Variants in SARDH observed in about 807,000 individuals in gnomAD.
SARDH encodes the protein sarcosine dehydrogenase.
A neutral mutation model predicts 109.1 loss-of-function variants in SARDH; 95 were observed. The observed-to-expected ratio is 0.87, with a 90% CI of 0.74 to 1.03. SARDH has a LOEUF of 1.03. SARDH is among the 50% of genes least tolerant of loss of function. SARDH has a pLI of 0.00. For synonymous variants in SARDH, 572 were observed against 534.8 expected (o/e 1.07, Z -0.96); for missense variants, 1,267 against 1,287.8 (o/e 0.98, Z 0.25).
intron 8 of SARDH, among the ~76,000 whole-genome samples, chr9:133,715,719 C>T (rs916116467): frequency 1.8e-4 from 27 of 152,154 alleles, no homozygotes; most frequent in South Asian, 6.2e-4. Context: ...CGCTTTGTGC[C>T]GCCCACCTCT....
At chr9:133,715,721 C>G (rs1193770688) in intron 8 of SARDH, among the ~76,000 whole-genome samples, 1 of 152,170 alleles carries the variant, frequency 6.6e-6, no homozygotes, top group Non-Finnish European at 1.5e-5. Flanking sequence ...CTTTGTGCCG[C>G]CCACCTCTAC....
Position 133,686,677 on chromosome 9 carries a change from C to G in SARDH, c.2070-1391G>C, listed in dbSNP as rs563698611. ...CCCCCATTGCTAGGAGACGCCCCCC[C>G]ACTTCTGTCCCTCTGGGATCCCAGC... On this transcript the variant is annotated intron_variant, in intron 16 of 20. Transcript: ENST00000439388. The surrounding 1 kb of genome is among the most constrained non-coding windows in gnomAD (Gnocchi z 4.0). Among the ~76,000 whole-genome samples the G allele has an allele frequency of 9.2e-5, 14 of 152,254 alleles. No individual in the cohort carries two copies. The highest frequency in any genetic ancestry group is 7.7e-4 in the East Asian group (4 of 5,178).
At chr9:133,664,079 C>T (rs129924) in intron 20 of SARDH, 65 bp from the exon 21 acceptor site, 38,424 of 1,573,752 alleles carry the variant, frequency 0.024, 962 homozygotes, top group South Asian at 0.1. Context: ...CGTCTGCCTG[C>T]TTCTCTGGAG....
intron 6 of SARDH, among the ~76,000 whole-genome samples, chr9:133,727,444 A>C (rs907898909): frequency 1.6e-4 from 25 of 152,228 alleles, no homozygotes; most frequent in Non-Finnish European, 2.9e-5. Context: ...AATGGGCTGC[A>C]CAGGTGCCAT....
At position 133,694,369 on chromosome 9, in the gene SARDH, AG is replaced by A; in HGVS notation, c.1809del (p.Ser604ProfsTer18). 1 of 1,550,054 alleles carries A rather than the reference AG, an allele frequency of 6.5e-7. No individual in the cohort carries two copies. The highest frequency in any genetic ancestry group is 8.7e-7 in the Non-Finnish European group (1 of 1,146,446). ...LFSADVSRPP[G>X]STVYTCMLNH... ...TTGAGCATGCACGTGTACACGGTGG[AG>A]CCTGCGAGAGGGAGAAGGAAGCCGG... On this transcript the variant is annotated frameshift_variant and splice_region_variant, in exon 15 of 21. Transcript: ENST00000439388. LOFTEE classifies it high-confidence loss of function.
intron 8 of SARDH, 72 bp from the exon 9 acceptor site, chr9:133,713,196 G>C (rs1206942848): frequency 2.7e-5 from 37 of 1,374,868 alleles, no homozygotes; most frequent in Non-Finnish European, 3.3e-5. Flanking sequence ...TCTTCCAAGA[G>C]AGCAGTGATC....
chr9:133,706,557 T>C lies in SARDH; in HGVS notation c.1471-1526A>G, dbSNP rs189520642. 2.2e-3 allele frequency among the ~76,000 whole-genome samples: 339 copies of C among 152,342 alleles called. 1 individual carries two copies. The highest frequency in any genetic ancestry group is 7.7e-3 in the African/African-American group (322 of 41,574). ...CGGTTGCACAGCACTGCAAAGGCAC[T>C]TAATGCCACTGAATTGTACACTTTA... is the stretch of plus-strand genomic sequence containing the variant. On this transcript the variant is annotated intron_variant, in intron 11 of 20. Coordinates refer to ENST00000439388, the MANE Select transcript of SARDH (RefSeq NM_001134707.2).
In SARDH at chr9:133,708,336, T is replaced by C. The variant is rs1349842125; in HGVS notation, c.1421A>G (p.His474Arg). Residue 474 changes from histidine to arginine, a missense_variant, in exon 11 of 21, where the codon CAC (histidine) becomes CGC (arginine). Physicochemically the swap from His to Arg is conservative, Grantham distance 29. Coordinates refer to ENST00000439388, the MANE Select transcript of SARDH (RefSeq NM_001134707.2). ...GTTGCGCCCGGCCAGCGGCTCATCG[T>C]GGGGGAAGACGACGGAGTAGTTCTT... ...YAKNYSVVFPHDEPLAGRNMR... is the reference protein window; with the variant it reads ...YAKNYSVVFPRDEPLAGRNMR... The C allele has an allele frequency of 6.2e-7, 1 of 1,613,276 alleles. No homozygotes were observed. Among genetic ancestry groups the C allele is most frequent in the Admixed American group, 1.7e-5 (1 of 59,988 alleles).
In SARDH at chr9:133,718,571, G is replaced by A; in HGVS notation, c.1020+367C>T. On this transcript the variant is annotated intron_variant, in intron 7 of 20. Coordinates refer to ENST00000439388, the MANE Select transcript of SARDH (RefSeq NM_001134707.2). The surrounding 1 kb of genome is among the most constrained non-coding windows in gnomAD (Gnocchi z 4.2). The stretch of plus-strand genomic sequence containing the variant: ...TGCCCTAACCCCAGAAGCTGCCCGG[G>A]AAACAGCCCAGGCCAGGGGAAATGC... 4.1e-6 allele frequency: 3 copies of A among 739,446 alleles called. No individual in the cohort carries two copies. The highest frequency in any genetic ancestry group is 2.5e-6 in the Non-Finnish European group (1 of 400,744). 45.8% of individuals were successfully genotyped at this position (739,446 alleles called of 1,614,324 possible).
At chr9:133,668,362 C>T (rs1359907550) in intron 19 of SARDH, among the ~76,000 whole-genome samples, 1 of 119,718 alleles carries the variant, frequency 8.4e-6, no homozygotes, top group Non-Finnish European at 1.7e-5. Flanking sequence ...CCTCCCTCTC[C>T]CTCACCCTCA....
chr9:133,686,103 A>G lies in SARDH; in HGVS notation c.2070-817T>C, dbSNP rs543439436. Among the ~76,000 whole-genome samples the G allele has an allele frequency of 6.6e-6, 1 of 152,256 alleles. No homozygotes were observed. Among genetic ancestry groups the G allele is most frequent in the East Asian group, 1.9e-4 (1 of 5,182 alleles). The stretch of plus-strand genomic sequence containing the variant: ...TGAGGGCCCGGGAATGTTCCTGAGC[A>G]CTGGACACTCAGTCCATACTGGACA... On this transcript the variant is annotated intron_variant, in intron 16 of 20. Coordinates refer to ENST00000439388, the MANE Select transcript of SARDH (RefSeq NM_001134707.2). This position sits in a 1 kb window ranked among gnomAD's most constrained non-coding sequence, Gnocchi z 4.0.
intron 6 of SARDH, among the ~76,000 whole-genome samples, chr9:133,721,141 G>C (rs7849946): frequency 6.6e-6 from 1 of 151,982 alleles, no homozygotes; most frequent in Admixed American, 6.5e-5. Context: ...AGAGTCCTCC[G>C]ATTGAAAATC....
At chr9:133,696,809 T>C (rs1831304716) in intron 13 of SARDH, among the ~76,000 whole-genome samples, 1 of 152,126 alleles carries the variant, frequency 6.6e-6, no homozygotes, top group African/African-American at 2.4e-5. Context: ...ACACAACCAC[T>C]TATGAGATGC....
At position 133,731,359 on chromosome 9, in the gene SARDH, G is replaced by A. The variant is rs756935150; in HGVS notation, c.636C>T (p.Asp212=). Residue 212 remains aspartate (D), a synonymous_variant, in exon 4 of 21, where the codon GAC becomes GAT. Coordinates refer to ENST00000439388, the MANE Select transcript of SARDH (RefSeq NM_001134707.2). ...TLYVPHDGTM[D]PAGTCTTLAR... is the part of the protein sequence containing the mutation. Reference sequence around the variant, plus strand: ...CGAGGGTGGTACAGGTGCCAGCGGGGTCCATGGTACCGTCGTGCGGCACAT... The same window carrying A: ...CGAGGGTGGTACAGGTGCCAGCGGGATCCATGGTACCGTCGTGCGGCACAT... 4.3e-6 allele frequency: 7 copies of A among 1,614,214 alleles called. No homozygotes were observed. The highest frequency in any genetic ancestry group is 2.2e-5 in the East Asian group (1 of 44,872).
rs972009231 is a variant in SARDH at position 133,693,024 on chromosome 9, C to T, written c.1921+1234G>A. Among the ~76,000 whole-genome samples, 9 of 152,162 alleles carry T rather than the reference C, an allele frequency of 5.9e-5. No individual in the cohort carries two copies. Among genetic ancestry groups the T allele is most frequent in the South Asian group, 2.1e-4 (1 of 4,826 alleles). On this transcript the variant is annotated intron_variant, in intron 15 of 20. Coordinates refer to ENST00000439388, the MANE Select transcript of SARDH (RefSeq NM_001134707.2). The surrounding 1 kb of genome is among the most constrained non-coding windows in gnomAD (Gnocchi z 5.6). The stretch of plus-strand genomic sequence containing the variant: ...AGGAGCCCCTGCCAGCCCCCAGCCC[C>T]GAAGACCCGCTGGGCAGTGAGGAGC...
At position 133,731,504 on chromosome 9, in the gene SARDH, G is replaced by T; in HGVS notation, c.511-20C>A. Reference sequence around the variant, plus strand: ...GCCCAGCTAGGGGGACCCAGGGGAGGTTAACTGAGTCCGTGGGGAGCAGAC... The same window carrying T: ...GCCCAGCTAGGGGGACCCAGGGGAGTTTAACTGAGTCCGTGGGGAGCAGAC... On this transcript the variant is annotated intron_variant, in intron 3 of 20. Transcript: ENST00000439388. 1 of 1,612,794 alleles carries T rather than the reference G, an allele frequency of 6.2e-7. No individual in the cohort carries two copies. The highest frequency in any genetic ancestry group is 8.5e-7 in the Non-Finnish European group (1 of 1,179,168).
chr9:133,732,669 T>A lies in SARDH; in HGVS notation c.332-68A>T, dbSNP rs1316463791. 3 of 1,495,430 alleles carry A rather than the reference T, an allele frequency of 2.0e-6. No individual in the cohort carries two copies. In the African/African-American group the frequency reaches 4.2e-5, roughly 21 times the overall value. 92.6% of individuals were successfully genotyped at this position (1,495,430 alleles called of 1,614,324 possible). On this transcript the variant is annotated intron_variant, in intron 2 of 20. Transcript: ENST00000439388. ...TGCACCTCCTTCCCCCAGACGAATATCAGGGGATACCCTGATATTCAACCA... is the reference window on the plus strand; with the variant it reads ...TGCACCTCCTTCCCCCAGACGAATAACAGGGGATACCCTGATATTCAACCA...
Position 133,713,057 on chromosome 9 carries a change from G to GGAAGAACCCT in SARDH, c.1217_1218insAGGGTTCTTC (p.Cys407GlyfsTer38). The GGAAGAACCCT allele has an allele frequency of 6.2e-7, 1 of 1,612,584 alleles. No homozygotes were observed. Among genetic ancestry groups the GGAAGAACCCT allele is most frequent in the Non-Finnish European group, 8.5e-7 (1 of 1,179,688 alleles). On this transcript the variant is annotated frameshift_variant, in exon 9 of 21. Transcript: ENST00000439388. LOFTEE classifies it high-confidence loss of function. ...ACTCACCTGCGCTGTTGAAGCCACAGCCCAGGAAGAACCCTCGGAGCTCAG... is the reference window on the plus strand; with the variant it reads ...ACTCACCTGCGCTGTTGAAGCCACAGGAAGAACCCTCCCAGGAAGAACCCTCGGAGCTCAG...
chr9:133,691,605 G>A (rs1037448194), intron 15 of SARDH, among the ~76,000 whole-genome samples: 6 of 152,200 alleles, frequency 3.9e-5, no homozygotes, highest in African/African-American at 1.4e-4. Flanking sequence ...CTTACAAAAA[G>A]ATCAATAAAG....
Sources: allele counts gnomAD v4.1 joint callset (sites outside exome capture counted in the v4.1 genomes callset), GRCh38; gene constraint gnomAD v4.1.1; non-coding constraint Gnocchi (gnomAD v3.1); transcripts MANE v1.5; gene names NCBI Gene and HGNC (gene_info 2026-07-23, HGNC 2026-07-21).